The following ZCCHC24 variants were observed in gnomAD, a reference collection of about 807,000 sequenced individuals.
ZCCHC24 encodes zinc finger CCHC domain-containing protein 24.
In ZCCHC24, 10 loss-of-function variants were observed where a neutral mutation model predicts 26.2. The ratio of observed to expected loss-of-function variants is 0.38; its 90% CI spans 0.24 to 0.65. The LOEUF (loss-of-function observed/expected upper bound fraction) is 0.65. Among genes scored for constraint, ZCCHC24 ranks in the 30% least tolerant of loss-of-function variants. The probability of loss-of-function intolerance (pLI) is 0.54; values close to 1 mark genes in which losing one functional copy is unlikely to be tolerated. For synonymous variants in ZCCHC24, 144 were observed against 147.1 expected (o/e 0.98, Z 0.15); for missense variants, 243 against 329.1 (o/e 0.74, Z 2.03).
At chr10:79,431,313 C>T (rs1857123959) in intron 2 of ZCCHC24, among the ~76,000 whole-genome samples, 1 of 152,202 alleles carries the variant, frequency 6.6e-6, no homozygotes, top group South Asian at 2.1e-4. Flanking sequence ...GCTGAGGGTA[C>T]TCACTCTCTG....
At chr10:79,425,158 C>G (rs1393842421) in intron 2 of ZCCHC24, among the ~76,000 whole-genome samples, 1 of 152,238 alleles carries the variant, frequency 6.6e-6, no homozygotes, top group African/African-American at 2.4e-5. Context: ...GTGCAGCTGG[C>G]TCACAGCAAC....
chr10:79,413,777 TGTGAGA>T (rs1856824380), intron 2 of ZCCHC24, among the ~76,000 whole-genome samples: 2 of 109,058 alleles, frequency 1.8e-5, no homozygotes, highest in African/African-American at 2.8e-5. Flanking sequence ...TGTGTGTGTG[TGTGAGA>T]GAGAGAGAGA....
In ZCCHC24 at chr10:79,386,080, C is replaced by G; in HGVS notation, c.*265G>C. ...GCTCCTGGACATGGGCTTTTGCTTG[C>G]CTTTGTCCCCTCCACTGAGACCCCA... On this transcript the variant is annotated 3_prime_UTR_variant, in exon 4 of 4. Transcript: ENST00000372336. 1.8e-6 allele frequency: 1 copy of G among 570,362 alleles called. No individual in the cohort carries two copies. The highest frequency in any genetic ancestry group is 2.8e-5 in the East Asian group (1 of 35,938). 35.3% of individuals were successfully genotyped at this position (570,362 alleles called of 1,614,324 possible). A position where few individuals can be genotyped will look rare whatever the true frequency, so the allele number is the denominator to read the frequency against.
chr10:79,436,374 G>A (rs1857217570), intron 1 of ZCCHC24, among the ~76,000 whole-genome samples: 1 of 152,104 alleles, frequency 6.6e-6, no homozygotes, highest in Non-Finnish European at 1.5e-5. Context: ...AGGCTCCAAG[G>A]AAAAGCATGA....
intron 2 of ZCCHC24, among the ~76,000 whole-genome samples, chr10:79,414,104 G>T (rs1856831306): frequency 1.3e-5 from 2 of 152,192 alleles, no homozygotes; most frequent in South Asian, 4.1e-4. Flanking sequence ...GGAGGTGAGG[G>T]GGCACGTGTC....
chr10:79,394,505 T>TC (rs1856519437), intron 2 of ZCCHC24, 65 bp from the exon 3 acceptor site: 2 of 1,567,652 alleles, frequency 1.3e-6, no homozygotes, highest in Non-Finnish European at 1.7e-6. Context: ...CCCACAGGGT[T>TC]CCCCTGGCCT....
intron 1 of ZCCHC24, among the ~76,000 whole-genome samples, chr10:79,437,405 C>CT (rs1284080304): frequency 6.6e-6 from 1 of 152,142 alleles, no homozygotes; most frequent in Non-Finnish European, 1.5e-5. Flanking sequence ...AATCTTTTAC[C>CT]TTTCTTAGTC....
chr10:79,412,318 T>C (rs58011543), intron 2 of ZCCHC24, among the ~76,000 whole-genome samples: 4,497 of 152,324 alleles, frequency 0.03, 229 homozygotes, highest in African/African-American at 0.1. Flanking sequence ...TTGGGTCCCC[T>C]GGACTTGGCA....
chr10:79,398,852 C>T (rs1382323161), intron 2 of ZCCHC24, among the ~76,000 whole-genome samples: 1 of 152,122 alleles, frequency 6.6e-6, no homozygotes, highest in Non-Finnish European at 1.5e-5. Flanking sequence ...ACATTATCAA[C>T]CTATTAACAG....
intron 1 of ZCCHC24, among the ~76,000 whole-genome samples, chr10:79,440,128 C>A (rs1857272505): frequency 6.6e-6 from 1 of 152,064 alleles, no homozygotes; most frequent in Admixed American, 6.5e-5. Context: ...CACACACACA[C>A]ACAACAGATC....
At position 79,432,621 on chromosome 10, in the gene ZCCHC24, G is replaced by A; in HGVS notation, c.384C>T (p.Pro128=). The A allele has an allele frequency of 6.2e-7, 1 of 1,608,986 alleles. No individual in the cohort carries two copies. The highest frequency in any genetic ancestry group is 8.5e-7 in the Non-Finnish European group (1 of 1,177,498). The part of the protein sequence containing the change: ...TSEARKPSKR[P]PPNYLCHLCF... ...ACAGGTGGCACAGGTAGTTGGGTGG[G>A]GGCCGCTTGCTGGGCTTGCGAGCCT... The change falls in exon 2 of 4, where the codon CCC becomes CCT. Residue 128 remains proline (P), a synonymous_variant. Transcript: ENST00000372336.
chr10:79,422,596 C>T (rs775839217), intron 2 of ZCCHC24, among the ~76,000 whole-genome samples: 25 of 152,182 alleles, frequency 1.6e-4, no homozygotes, highest in South Asian at 4.1e-4. Flanking sequence ...CATTCTCTCT[C>T]GGCTCTATTT....
At chr10:79,424,679 C>G (rs1214537303) in intron 2 of ZCCHC24, among the ~76,000 whole-genome samples, 1 of 152,226 alleles carries the variant, frequency 6.6e-6, no homozygotes, top group Non-Finnish European at 1.5e-5. Flanking sequence ...AAACCCTTCT[C>G]CCTGGCCTCC....
intron 2 of ZCCHC24, among the ~76,000 whole-genome samples, chr10:79,396,698 G>A (rs1408824031): frequency 6.6e-6 from 1 of 152,212 alleles, no homozygotes; most frequent in East Asian, 1.9e-4. Context: ...GAGCCCCAGA[G>A]AATTCATATG....
chr10:79,419,572 GA>G (rs1322848165), intron 2 of ZCCHC24, among the ~76,000 whole-genome samples: 2 of 152,204 alleles, frequency 1.3e-5, no homozygotes, highest in Non-Finnish European at 2.9e-5. Context: ...AGCCATGTGA[GA>G]GGGGCAGGCC....
intron 1 of ZCCHC24, among the ~76,000 whole-genome samples, chr10:79,440,483 G>A (rs1156235471): frequency 2.0e-5 from 3 of 152,192 alleles, no homozygotes; most frequent in African/African-American, 7.2e-5. Flanking sequence ...GGATGGCCCC[G>A]TCCAGACGGA....
At chr10:79,391,110 G>A (rs1856474148) in intron 3 of ZCCHC24, among the ~76,000 whole-genome samples, 2 of 152,208 alleles carry the variant, frequency 1.3e-5, no homozygotes, top group South Asian at 4.1e-4. Context: ...CTCAAGTCCT[G>A]TCTCCTTTTG....
chr10:79,426,956 T>C (rs1218189197), intron 2 of ZCCHC24, among the ~76,000 whole-genome samples: 1 of 151,386 alleles, frequency 6.6e-6, no homozygotes, highest in African/African-American at 2.4e-5. Flanking sequence ...AGATGCACTT[T>C]AAATTCAAAT....
chr10:79,411,186 G>A (rs1856786337), intron 2 of ZCCHC24, among the ~76,000 whole-genome samples: 1 of 152,204 alleles, frequency 6.6e-6, no homozygotes, highest in Non-Finnish European at 1.5e-5. Flanking sequence ...ATGTGAGCCT[G>A]CTCAAGGTGC....
Sources: gnomAD v4.1 joint callset for allele counts (sites outside exome capture counted in the v4.1 genomes callset) on GRCh38, gnomAD v4.1.1 for gene constraint, MANE v1.5 for transcripts, NCBI Gene and HGNC (gene_info 2026-07-23, HGNC 2026-07-21) for gene names.